Variants in SHCBP1 observed in about 807,000 individuals in gnomAD.
SHCBP1 encodes the protein SHC binding and spindle associated 1, also known as SHC SH2 domain-binding protein 1.
In SHCBP1, 60 loss-of-function variants were observed where a neutral mutation model predicts 75.1. The ratio of observed to expected loss-of-function variants is 0.80; its 90% confidence interval spans 0.65 to 0.99. SHCBP1 has a LOEUF of 0.99. SHCBP1 is among the 50% of genes least tolerant of loss of function. SHCBP1 has a pLI of 0.00. For synonymous variants in SHCBP1, 290 were observed against 293.2 expected (o/e 0.99, Z 0.11); for missense variants, 709 against 809.4 (o/e 0.88, Z 1.50).
At chr16:46,589,683 A>G (rs1446515258) in intron 10 of SHCBP1, among the ~76,000 whole-genome samples, 1 of 152,210 alleles carries the variant, frequency 6.6e-6, no homozygotes, top group East Asian at 1.9e-4. Flanking sequence ...GAGGACACAA[A>G]TGGAAGAACA....
chr16:46,616,725 G>A lies in SHCBP1; in HGVS notation c.388-571C>T, dbSNP rs147020887. On this transcript the variant is annotated intron_variant, in intron 3 of 12. Coordinates refer to ENST00000303383, the MANE Select transcript of SHCBP1 (RefSeq NM_024745.5). This position sits in a 1 kb window ranked among gnomAD's most constrained non-coding sequence, Gnocchi z 4.4. The stretch of plus-strand genomic sequence containing the variant: ...AAGCCAACACTAAGCCCTTGGTAAA[G>A]ACAATATCTTAGGAGTTTTAAGCAG... Among the ~76,000 whole-genome samples the A allele has an allele frequency of 1.1e-3, 170 of 152,298 alleles. No individual in the cohort carries two copies. The highest frequency in any genetic ancestry group is 4.0e-3 in the African/African-American group (166 of 41,554).
At position 46,607,153 on chromosome 16, in the gene SHCBP1, G is replaced by A. The variant is rs188980100; in HGVS notation, c.689+1144C>T. 1.1e-3 allele frequency among the ~76,000 whole-genome samples: 172 copies of A among 152,206 alleles called. 1 individual carries two copies. The highest frequency in any genetic ancestry group is 1.6e-3 in the Non-Finnish European group (111 of 67,998). On this transcript the variant is annotated intron_variant, in intron 5 of 12. Transcript: ENST00000303383. ...GCAAATCACTTGAGGTCAGGAGTTCGAGACCAGCCTGGCCAACATGGTGAA... is the reference window on the plus strand; with the variant it reads ...GCAAATCACTTGAGGTCAGGAGTTCAAGACCAGCCTGGCCAACATGGTGAA...
intron 9 of SHCBP1, among the ~76,000 whole-genome samples, 159 bp downstream of exon 9, chr16:46,599,669 TAAA>T (rs1555519115): frequency 2.2e-4 from 5 of 23,136 alleles, no homozygotes; most frequent in African/African-American, 5.0e-4. Flanking sequence ...CTTCAATTTG[TAAA>T]AAAAAAAAAA....
chr16:46,618,710 T>C (rs1256358761), intron 1 of SHCBP1, among the ~76,000 whole-genome samples: 1 of 152,128 alleles, frequency 6.6e-6, no homozygotes, highest in African/African-American at 2.4e-5. Flanking sequence ...GGTGCGATCA[T>C]AGCTCACCGC....
At chr16:46,612,994 C>G (rs1012298460) in intron 4 of SHCBP1, among the ~76,000 whole-genome samples, 7 of 152,192 alleles carry the variant, frequency 4.6e-5, no homozygotes, top group Non-Finnish European at 8.8e-5. Context: ...TGCGTCTTAA[C>G]TGGTCTACCA....
intron 9 of SHCBP1, among the ~76,000 whole-genome samples, chr16:46,596,276 G>C (rs190701422): frequency 3.3e-5 from 5 of 151,906 alleles, no homozygotes; most frequent in African/African-American, 1.2e-4. Context: ...GAGGCCGAGG[G>C]GGGCAGAACA....
intron 9 of SHCBP1, among the ~76,000 whole-genome samples, chr16:46,596,232 G>A (rs763599091): frequency 6.6e-6 from 1 of 152,090 alleles, no homozygotes; most frequent in Non-Finnish European, 1.5e-5. Context: ...TAGGCCGCAT[G>A]CGGTAGCTCA....
intron 4 of SHCBP1, 69 bp from the exon 5 acceptor site, chr16:46,608,458 G>A (rs1965357693): frequency 3.0e-6 from 3 of 985,132 alleles, no homozygotes; most frequent in Non-Finnish European, 4.8e-6. Context: ...GGAGGGGTGA[G>A]AGCTAAAGAG....
chr16:46,585,504 C>T (rs1964942655), intron 10 of SHCBP1, among the ~76,000 whole-genome samples: 2 of 152,034 alleles, frequency 1.3e-5, no homozygotes, highest in South Asian at 4.1e-4. Context: ...CAATCCAGTA[C>T]ACCAACAGAC....
intron 5 of SHCBP1, 95 bp from the exon 6 acceptor site, chr16:46,604,556 GT>G: frequency 1.3e-6 from 1 of 772,526 alleles, no homozygotes; most frequent in Non-Finnish European, 2.2e-6. Context: ...CCCAGTAAGA[GT>G]TTTACAGTAT....
At chr16:46,602,301 A>T (rs1596680731) in intron 8 of SHCBP1, among the ~76,000 whole-genome samples, 1 of 152,220 alleles carries the variant, frequency 6.6e-6, no homozygotes, top group Non-Finnish European at 1.5e-5. Context: ...AGTAGAAAAG[A>T]ACAAAAATTA....
At chr16:46,611,101 T>C (rs933342556) in intron 4 of SHCBP1, among the ~76,000 whole-genome samples, 2 of 152,150 alleles carry the variant, frequency 1.3e-5, no homozygotes, top group Admixed American at 6.5e-5. Flanking sequence ...ATCCCAAAGA[T>C]GCGCACATGA....
intron 5 of SHCBP1, among the ~76,000 whole-genome samples, chr16:46,605,064 C>A (rs906007445): frequency 2.6e-5 from 4 of 151,950 alleles, no homozygotes; most frequent in Non-Finnish European, 5.9e-5. Context: ...TAAAGAATTT[C>A]AAAAAATAAG....
At chr16:46,594,364 T>C (rs1488972415) in intron 10 of SHCBP1, among the ~76,000 whole-genome samples, 1 of 152,098 alleles carries the variant, frequency 6.6e-6, no homozygotes, top group Non-Finnish European at 1.5e-5. Context: ...GACTAGTATC[T>C]AGAATATACA....
intron 4 of SHCBP1, among the ~76,000 whole-genome samples, chr16:46,612,907 C>T (rs1445368987): frequency 6.6e-6 from 1 of 152,192 alleles, no homozygotes; most frequent in East Asian, 1.9e-4. Flanking sequence ...ATCCACTCGA[C>T]CACCAAGTCC....
At chr16:46,584,146 A>C (rs1227509972) in intron 10 of SHCBP1, 57 bp from the exon 11 acceptor site, 1 of 1,244,394 alleles carries the variant, frequency 8.0e-7, no homozygotes, top group Non-Finnish European at 1.1e-6. Context: ...AGACTATAAG[A>C]GTTTATTACA....
intron 10 of SHCBP1, among the ~76,000 whole-genome samples, chr16:46,584,623 TACCACACACGTTAACATCAGCA>T (rs1567441474): frequency 6.6e-6 from 1 of 152,180 alleles, no homozygotes. Context: ...TGGCTTTCCC[TACCACACACGTTAACATCAGCA>T]GCCAGTTCAA....
At chr16:46,603,085 T>A (rs1410138527) in intron 8 of SHCBP1, among the ~76,000 whole-genome samples, 2 of 152,178 alleles carry the variant, frequency 1.3e-5, no homozygotes, top group Non-Finnish European at 2.9e-5. Flanking sequence ...TCATTATACC[T>A]CTCACGAAAA....
In SHCBP1 at chr16:46,604,451, T is replaced by C; in HGVS notation, c.700A>G (p.Ile234Val). The C allele has an allele frequency of 6.2e-7, 1 of 1,608,858 alleles. No homozygotes were observed. The highest frequency in any genetic ancestry group is 8.5e-7 in the Non-Finnish European group (1 of 1,175,504). ...VEPRLRLHYDILEDRVPSGLI... is the reference protein window; with the variant it reads ...VEPRLRLHYDVLEDRVPSGLI... ...CCTGATGGAACTCGGTCTTCAAGAA[T>C]GTCATAATGCCTGAAAGTTTAAAAG... Residue 234 changes from isoleucine to valine, a missense_variant, in exon 6 of 13, where the codon ATT becomes GTT. Ile to Val is a conservative substitution (Grantham distance 29, BLOSUM62 3). Coordinates refer to ENST00000303383, the MANE Select transcript of SHCBP1 (RefSeq NM_024745.5).
Sources: gnomAD v4.1 joint callset for allele counts (sites outside exome capture counted in the v4.1 genomes callset) on GRCh38, gnomAD v4.1.1 for gene constraint, Gnocchi (gnomAD v3.1) non-coding constraint, MANE v1.5 for transcripts, NCBI Gene and HGNC (gene_info 2026-07-23, HGNC 2026-07-21) for gene names.